Variants in NEXN observed in about 807,000 individuals in gnomAD.
The protein encoded by NEXN is nexilin F-actin binding protein, also known as nexilin.
Under a neutral mutation model 92.6 loss-of-function variants are expected in NEXN, and 65 were observed. The observed-to-expected ratio is 0.70, with a 90% CI of 0.57 to 0.86. NEXN has a LOEUF of 0.86. Ranked by LOEUF, NEXN falls within the 40% of genes least tolerant of loss-of-function variation. NEXN has a pLI of 0.00. For synonymous variants in NEXN, 254 were observed against 242.5 expected, an observed-to-expected ratio of 1.05 and a Z score of -0.44; for missense variants, 778 against 771.1, an observed-to-expected ratio of 1.01 and a Z score of -0.11.
At chr1:77,903,666 T>A (rs188069340) in intron 1 of NEXN, among the ~76,000 whole-genome samples, 2 of 152,176 alleles carry the variant, frequency 1.3e-5, no homozygotes, top group Non-Finnish European at 2.9e-5. Context: ...ATTAAGTTTA[T>A]AGACTGGTAA....
At position 77,936,021 on chromosome 1, in the gene NEXN, C is replaced by A. The variant is rs767792289; in HGVS notation, c.1450C>A (p.Arg484=). The A allele has an allele frequency of 2.7e-5, 43 of 1,612,830 alleles. No individual in the cohort carries two copies. Among genetic ancestry groups the A allele is most frequent in the African/African-American group, 4.0e-5 (3 of 74,768 alleles). ...RRAIDLEIKE[R]EAENFHEEDD... ...AGCAATTGACCTTGAAATTAAAGAG[C>A]GAGAAGCTGAAAATTTTCATGAGGT... Residue 484 remains arginine, a synonymous_variant, in exon 11 of 13, where the codon CGA becomes AGA. Coordinates refer to ENST00000334785, the MANE Select transcript of NEXN (RefSeq NM_144573.4).
At chr1:77,892,156 C>T (rs376337431) in intron 1 of NEXN, among the ~76,000 whole-genome samples, 17 of 151,816 alleles carry the variant, frequency 1.1e-4, no homozygotes, top group South Asian at 6.3e-4. Flanking sequence ...TATCGATTTA[C>T]GTCCTCTCTT....
intron 5 of NEXN, among the ~76,000 whole-genome samples, chr1:77,924,568 G>A (rs890219990): frequency 6.6e-6 from 1 of 152,162 alleles, no homozygotes; most frequent in South Asian, 2.1e-4. Context: ...AATAATTGCT[G>A]CTTGTAAGCT....
intron 9 of NEXN, 141 bp from the exon 10 acceptor site, chr1:77,933,141 A>G (rs1033065198): frequency 8.3e-6 from 5 of 601,052 alleles, no homozygotes; most frequent in Admixed American, 2.9e-5. Context: ...AGCCTGGGCA[A>G]TAAGAGTGAA....
chr1:77,903,439 T>C (rs987123934), intron 1 of NEXN, among the ~76,000 whole-genome samples: 17 of 152,126 alleles, frequency 1.1e-4, no homozygotes, highest in African/African-American at 4.1e-4. Context: ...CCGGCACCTA[T>C]TGAAAAGATT....
intron 11 of NEXN, among the ~76,000 whole-genome samples, chr1:77,937,700 A>G (rs1571161428): frequency 6.6e-6 from 1 of 152,152 alleles, no homozygotes; most frequent in Non-Finnish European, 1.5e-5. Context: ...AAAAAATAAA[A>G]AATAAAAAAT....
At chr1:77,938,033 G>A (rs1021319033) in intron 11 of NEXN, among the ~76,000 whole-genome samples, 7 of 152,114 alleles carry the variant, frequency 4.6e-5, no homozygotes, top group African/African-American at 1.7e-4. Context: ...GGATGGTGAT[G>A]GAGAGGAAGA....
Position 77,926,560 on chromosome 1 carries a change from T to G in NEXN, c.636T>G (p.Tyr212Ter), listed in dbSNP as rs1649861678. The stretch of plus-strand genomic sequence containing the variant: ...ACGAGGAAGATAAAAGAATAAGATA[T>G]GAAGAACAACGACCATCTCTCAAGG... The part of the protein sequence containing the change: ...IKYEEDKRIR[Y>*]EEQRPSLKEA... The change falls in exon 7 of 13, where the codon TAT becomes TAG. Residue 212 changes from tyrosine (Y) to a stop codon, truncating the protein, a stop_gained. Coordinates refer to ENST00000334785, the MANE Select transcript of NEXN (RefSeq NM_144573.4). LOFTEE classifies it high-confidence loss of function. 1.2e-6 allele frequency: 2 copies of G among 1,613,740 alleles called. No homozygotes were observed. Among genetic ancestry groups the G allele is most frequent in the South Asian group, 1.1e-5 (1 of 91,080 alleles).
At chr1:77,927,154 A>G (rs1649917187) in intron 8 of NEXN, among the ~76,000 whole-genome samples, 1 of 152,054 alleles carries the variant, frequency 6.6e-6, no homozygotes, top group Non-Finnish European at 1.5e-5. Flanking sequence ...AAATCCCTGT[A>G]ATCCCAGCTG....
intron 1 of NEXN, among the ~76,000 whole-genome samples, chr1:77,909,210 C>T (rs574720173): frequency 6.6e-6 from 1 of 152,266 alleles, no homozygotes; most frequent in African/African-American, 2.4e-5. Context: ...CACTTGAAGT[C>T]AGGAGTTCAA....
Position 77,917,824 on chromosome 1 carries a change from T to C in NEXN, c.219+67T>C, listed in dbSNP as rs1571113616. The C allele has an allele frequency of 2.7e-6, 4 of 1,467,390 alleles. No homozygotes were observed. In the East Asian group the frequency reaches 9.1e-5, roughly 33 times the overall value. The allele number at this position is 1,467,390 out of a possible 1,614,324, so 90.9% of individuals were successfully genotyped here. ...CATTTTTTCATTTAAATTGTATTTATTCACATTAACCACATTTCACATTAA... is the reference window on the plus strand; with the variant it reads ...CATTTTTTCATTTAAATTGTATTTACTCACATTAACCACATTTCACATTAA... On this transcript the variant is annotated intron_variant, in intron 3 of 12. Transcript: ENST00000334785.
At chr1:77,941,028 A>C (rs1651259512) in intron 11 of NEXN, among the ~76,000 whole-genome samples, 1 of 152,236 alleles carries the variant, frequency 6.6e-6, no homozygotes, top group South Asian at 2.1e-4. Flanking sequence ...GAAATGAGGT[A>C]GGTACAAGGT....
chr1:77,909,246 C>T (rs1648374771), intron 1 of NEXN, among the ~76,000 whole-genome samples: 1 of 152,014 alleles, frequency 6.6e-6, no homozygotes, highest in South Asian at 2.1e-4. Context: ...CATGGTGAAA[C>T]CCTGTCTCTA....
At chr1:77,920,912 A>C (rs1334363636) in intron 5 of NEXN, among the ~76,000 whole-genome samples, 1 of 152,146 alleles carries the variant, frequency 6.6e-6, no homozygotes, top group Non-Finnish European at 1.5e-5. Context: ...GCTCTTCAAT[A>C]TTGTCTTCTG....
intron 9 of NEXN, among the ~76,000 whole-genome samples, chr1:77,931,412 CAAAAAAAAAAAAAA>C (rs138490881): frequency 1.6e-3 from 91 of 57,594 alleles, no homozygotes; most frequent in African/African-American, 6.1e-3. Flanking sequence ...GACTCCGTCT[CAAAAAAAAAAAAAA>C]AAAAAAAAAA....
At chr1:77,930,053 C>T (rs1207316693) in intron 9 of NEXN, among the ~76,000 whole-genome samples, 1 of 152,174 alleles carries the variant, frequency 6.6e-6, no homozygotes, top group African/African-American at 2.4e-5. Context: ...ACTGTACTTC[C>T]TATACCAGTT....
chr1:77,926,813 G>T lies in NEXN; in HGVS notation c.785G>T (p.Arg262Leu), dbSNP rs369941497. 6.2e-7 allele frequency: 1 copy of T among 1,613,930 alleles called. No individual in the cohort carries two copies. Among genetic ancestry groups the T allele is most frequent in the East Asian group, 2.2e-5 (1 of 44,848 alleles). Reference sequence around the variant, plus strand: ...CTGGAGCGACAAAGACAAGAAAACCGAAAGAAGCAAGCTGAAGAGGAAGCA... The same window carrying T: ...CTGGAGCGACAAAGACAAGAAAACCTAAAGAAGCAAGCTGAAGAGGAAGCA... ...EELERQRQENRKKQAEEEARK... is the reference protein window; with the variant it reads ...EELERQRQENLKKQAEEEARK... The change falls in exon 8 of 13, where the codon CGA (arginine) becomes CTA (leucine). Residue 262 changes from arginine (R) to leucine (L), a missense_variant. This residue lies in a region of NEXN where 532 missense variants were observed against 476.7 expected (regional missense o/e 1.12). Transcript: ENST00000334785.
rs986731843 is a variant in NEXN, at chr1:77,933,534, C to G, written c.1251+55C>G. On this transcript the variant is annotated intron_variant, in intron 10 of 12. Transcript: ENST00000334785. ...CATATTTATTAAGCTAAATATTTTA[C>G]TTATATCACCTTATAATAACTTTGT... The G allele has an allele frequency of 1.8e-5, 21 of 1,149,148 alleles. No individual in the cohort carries two copies. In the African/African-American group the frequency reaches 2.9e-4, roughly 16 times the overall value. The allele number at this position is 1,149,148 out of a possible 1,614,324, so 71.2% of individuals were successfully genotyped here. A position where few individuals can be genotyped will look rare whatever the true frequency, so the allele number is the denominator to read the frequency against.
intron 1 of NEXN, among the ~76,000 whole-genome samples, chr1:77,897,169 A>G (rs1352804881): frequency 6.6e-5 from 10 of 152,250 alleles, no homozygotes; most frequent in Admixed American, 1.3e-4. Context: ...TGAGGCCAGC[A>G]TCATCCTGAT....
Sources: allele counts gnomAD v4.1 joint callset (sites outside exome capture counted in the v4.1 genomes callset), GRCh38; gene constraint gnomAD v4.1.1; regional missense constraint gnomAD v4.1.1; transcripts MANE v1.5; gene names NCBI Gene and HGNC (gene_info 2026-07-23, HGNC 2026-07-21).